Variants in AFG2A observed in about 807,000 individuals in gnomAD.
AFG2A encodes ATPase family gene 2 protein homolog A.
chr4:123,001,787 T>A, the AFG2A span, among the ~76,000 whole-genome samples: 1 of 152,156 alleles, frequency 6.6e-6, no homozygotes, highest in African/African-American at 2.4e-5. Context: ...TCTGTTGATT[T>A]GGGGTGGAGA....
At chr4:123,163,359 C>T in the AFG2A span, among the ~76,000 whole-genome samples, 3 of 151,946 alleles carry the variant, frequency 2.0e-5, no homozygotes, top group African/African-American at 7.3e-5. Context: ...TTGCTTGAAC[C>T]GGGACCCAGG....
At chr4:123,147,590 G>A in the AFG2A span, among the ~76,000 whole-genome samples, 9 of 152,100 alleles carry the variant, frequency 5.9e-5, no homozygotes, top group African/African-American at 9.7e-5. Flanking sequence ...GATTAGAACA[G>A]AATTACTTCT....
the AFG2A span, among the ~76,000 whole-genome samples, chr4:123,231,875 T>TAC: frequency 2.6e-5 from 4 of 151,714 alleles, no homozygotes; most frequent in Non-Finnish European, 5.9e-5. Context: ...ACAATCAGAA[T>TAC]ACACACAACA....
At chr4:123,261,029 G>A in the AFG2A span, among the ~76,000 whole-genome samples, 5 of 152,294 alleles carry the variant, frequency 3.3e-5, no homozygotes, top group East Asian at 9.6e-4. Flanking sequence ...GAGGGATCTA[G>A]GTTGTGTGCT....
At chr4:122,969,398 T>A in the AFG2A span, among the ~76,000 whole-genome samples, 3 of 152,194 alleles carry the variant, frequency 2.0e-5, no homozygotes, top group African/African-American at 7.2e-5. Context: ...AGGGTTTGTG[T>A]TCATTTTAGA....
At chr4:123,056,696 G>A in the AFG2A span, among the ~76,000 whole-genome samples, 1 of 152,248 alleles carries the variant, frequency 6.6e-6, no homozygotes, top group Non-Finnish European at 1.5e-5. Flanking sequence ...ATAATAGCCA[G>A]CATTTCTGTT....
At chr4:123,309,456 T>G in the AFG2A span, among the ~76,000 whole-genome samples, 1 of 152,198 alleles carries the variant, frequency 6.6e-6, no homozygotes, top group African/African-American at 2.4e-5. Context: ...CACAACCTAA[T>G]CACCTCCCAA....
chr4:123,014,262 TA>T, the AFG2A span, among the ~76,000 whole-genome samples: 1 of 152,238 alleles, frequency 6.6e-6, no homozygotes, highest in Non-Finnish European at 1.5e-5. Context: ...ATAGGGAAGT[TA>T]TTCAAGGAAT....
chr4:123,202,936 A>G, the AFG2A span, among the ~76,000 whole-genome samples: 1 of 151,714 alleles, frequency 6.6e-6, no homozygotes, highest in Non-Finnish European at 1.5e-5. Context: ...GGTGGGAGGA[A>G]CCCTTGAGCC....
chr4:123,237,691 A>AAAC, the AFG2A span, among the ~76,000 whole-genome samples: 38 of 151,274 alleles, frequency 2.5e-4, no homozygotes, highest in African/African-American at 9.0e-4. Context: ...AAAAAAAAAA[A>AAAC]AAAAAAGGAG....
chr4:123,072,561 A>G, the AFG2A span, among the ~76,000 whole-genome samples: 1 of 152,196 alleles, frequency 6.6e-6, no homozygotes, highest in African/African-American at 2.4e-5. Flanking sequence ...AGTGAGCAAG[A>G]AACCTTAAGA....
chr4:123,148,535 T>C, the AFG2A span, among the ~76,000 whole-genome samples: 4 of 152,142 alleles, frequency 2.6e-5, no homozygotes, highest in African/African-American at 9.7e-5. Flanking sequence ...TATGTGCCAT[T>C]AAGTGTGTCT....
chr4:123,083,975 T>G, the AFG2A span, among the ~76,000 whole-genome samples: 6 of 152,184 alleles, frequency 3.9e-5, no homozygotes, highest in African/African-American at 1.4e-4. Flanking sequence ...ATTAATTATT[T>G]ATTTAATTTC....
the AFG2A span, among the ~76,000 whole-genome samples, chr4:123,175,654 G>GAAAC: frequency 6.6e-6 from 1 of 152,160 alleles, no homozygotes. Flanking sequence ...ATATTCTATT[G>GAAAC]AAACACATTT....
At chr4:122,941,325 G>C in the AFG2A span, among the ~76,000 whole-genome samples, 2 of 151,104 alleles carry the variant, frequency 1.3e-5, no homozygotes, top group Non-Finnish European at 3.0e-5. Flanking sequence ...GTAGTTTGTA[G>C]TTCTCCTTGA....
At chr4:123,030,896 AACGTTT>A in the AFG2A span, among the ~76,000 whole-genome samples, 4 of 152,168 alleles carry the variant, frequency 2.6e-5, no homozygotes, top group Non-Finnish European at 5.9e-5. Flanking sequence ...TGGAGCTCAA[AACGTTT>A]TGAATTTTGG....
the AFG2A span, among the ~76,000 whole-genome samples, chr4:123,051,045 C>T: frequency 1.3e-5 from 2 of 152,116 alleles, no homozygotes; most frequent in South Asian, 2.1e-4. Flanking sequence ...TCCATTCAGC[C>T]ACTCTTGGTC....
At chr4:123,293,630 G>A in the AFG2A span, among the ~76,000 whole-genome samples, 1 of 152,210 alleles carries the variant, frequency 6.6e-6, no homozygotes, top group Admixed American at 6.5e-5. Context: ...CACAACCTAT[G>A]TGCACGAATA....
the AFG2A span, chr4:123,256,644 AT>A: frequency 4.3e-6 from 4 of 935,794 alleles, no homozygotes; most frequent in South Asian, 2.0e-4. Context: ...TATCATTATC[AT>A]CTTTTTGTCA....
Sources: gnomAD v4.1 joint callset for allele counts (sites outside exome capture counted in the v4.1 genomes callset) on GRCh38, gnomAD v4.1.1 for gene constraint, MANE v1.5 for transcripts, NCBI Gene and HGNC (gene_info 2026-07-23, HGNC 2026-07-21) for gene names.